The following C3 variants were observed in gnomAD, a reference collection of about 807,000 sequenced individuals.
C3 encodes the protein C3 and PZP-like alpha-2-macroglobulin domain-containing protein 1.
C3 carries 97 observed loss-of-function variants against 207.9 expected under a neutral mutation model. The ratio of observed to expected loss-of-function variants is 0.47; its 90% CI spans 0.40 to 0.55. C3 has a LOEUF of 0.55. C3 is among the 20% of genes least tolerant of loss of function. The probability of loss-of-function intolerance (pLI) is 0.00; values close to 1 mark genes in which losing one functional copy is unlikely to be tolerated. For missense variants in C3, 1,684 were observed against 2,171.7 expected (o/e 0.78, Z 4.46); for synonymous variants, 848 against 857.6 (o/e 0.99, Z 0.20).
intron 33 of C3, chr19:6,682,448 T>C: frequency 1.8e-6 from 1 of 543,386 alleles, no homozygotes; most frequent in South Asian, 2.0e-5. Flanking sequence ...TGCACCCAAC[T>C]GCATGGATTC....
Position 6,709,564 on chromosome 19 carries a change from C to T in C3, c.1845+120G>A, listed in dbSNP as rs973332114. On this transcript the variant is annotated intron_variant, in intron 14 of 40. Transcript: ENST00000245907. ...AACCATCCCTGTGTCTGGTCTGCTC[C>T]GATCTCTGCTTTCAGCGCATGCCCC... is the stretch of plus-strand genomic sequence containing the variant. 188 of 1,141,610 alleles carry T rather than the reference C, an allele frequency of 1.6e-4. 3 individuals carry two copies. In the South Asian group the frequency reaches 1.9e-3, roughly 12 times the overall value. 70.7% of individuals were successfully genotyped at this position (1,141,610 alleles called of 1,614,324 possible). A position where few individuals can be genotyped will look rare whatever the true frequency, so the allele number is the denominator to read the frequency against.
chr19:6,713,198 AGATGACGGTGGC>A lies in C3; in HGVS notation c.982_993del (p.Ala328_Ile331del). ...TCAGACTGGGCCTCACCTGAGTGCA[AGATGACGGTGGC>A]AGACACGTACAAAGACTTCCCCACC... On this transcript the variant is annotated inframe_deletion, in exon 9 of 41. Coordinates refer to ENST00000245907, the MANE Select transcript of C3 (RefSeq NM_000064.4). 6.2e-7 allele frequency: 1 copy of A among 1,613,764 alleles called. No individual in the cohort carries two copies. The highest frequency in any genetic ancestry group is 1.1e-5 in the South Asian group (1 of 91,084).
chr19:6,686,059 AG>A, intron 29 of C3, 64 bp downstream of exon 29: 1 of 1,522,830 alleles, frequency 6.6e-7, no homozygotes, highest in Non-Finnish European at 9.1e-7. Flanking sequence ...TGTCTTCTCT[AG>A]GAGGCCAGTG....
rs1403386475 is a variant in C3, at chr19:6,707,640, T to C, written c.1976-103A>G. 5.9e-6 allele frequency: 9 copies of C among 1,531,530 alleles called. No individual in the cohort carries two copies. In the African/African-American group the frequency reaches 8.2e-5, roughly 14 times the overall value. 94.9% of individuals were successfully genotyped at this position (1,531,530 alleles called of 1,614,324 possible). A position where few individuals can be genotyped will look rare whatever the true frequency, so the allele number is the denominator to read the frequency against. On this transcript the variant is annotated intron_variant, in intron 15 of 40. Transcript: ENST00000245907. ...GAGGTGGGGGTGTTCCTGCTCCCAT[T>C]TGATGGAAGAGCAAACTGAGGCTCA...
intron 5 of C3, 25 bp downstream of exon 5, chr19:6,714,327 C>A (rs1012802922): frequency 3.7e-6 from 6 of 1,608,816 alleles, no homozygotes; most frequent in Non-Finnish European, 5.1e-6. Flanking sequence ...GAGCCCTGAG[C>A]CCCCTCCTCA....
At chr19:6,698,683 T>G (rs1599511255) in intron 19 of C3, among the ~76,000 whole-genome samples, 1 of 152,054 alleles carries the variant, frequency 6.6e-6, no homozygotes, top group South Asian at 2.1e-4. Context: ...TGCTCCAGCC[T>G]GGGCAACAGA....
chr19:6,694,622 G>A lies in C3; in HGVS notation c.2963C>T (p.Ala988Val), dbSNP rs755770418. ...GTCGACGGCATCCTCTGTCATCTGG[G>A]CCACTGGGGTCCCTGCAGCAGGTGG... ...TRILLQGTPV[A>V]QMTEDAVDAE... is the part of the protein sequence containing the mutation. The change falls in exon 24 of 41, where the codon GCC becomes GTC. Residue 988 changes from alanine (A) to valine (V), a missense_variant. Ala to Val is a moderately conservative substitution (Grantham distance 64). Transcript: ENST00000245907. 3 of 1,612,418 alleles carry A rather than the reference G, an allele frequency of 1.9e-6. No individual in the cohort carries two copies. Among genetic ancestry groups the A allele is most frequent in the Non-Finnish European group, 1.7e-6 (2 of 1,179,776 alleles).
intron 5 of C3, 51 bp from the exon 6 acceptor site, chr19:6,714,299 C>T: frequency 6.2e-7 from 1 of 1,610,906 alleles, no homozygotes. Context: ...CCCCCCTGCT[C>T]CCTCTCCGGG....
chr19:6,708,633 TTTTC>T (rs1211241137), intron 14 of C3, among the ~76,000 whole-genome samples: 9 of 142,794 alleles, frequency 6.3e-5, no homozygotes, highest in South Asian at 2.4e-4. Flanking sequence ...TCTCCTTTCT[TTTTC>T]TTTCTCTCTG....
intron 9 of C3, 138 bp from the exon 10 acceptor site, chr19:6,712,761 C>A (rs933232464): frequency 1.0e-5 from 8 of 762,412 alleles, no homozygotes; most frequent in Non-Finnish European, 1.4e-5. Context: ...CTGTGCCCCC[C>A]ATCAGACTGG....
chr19:6,682,643 A>G (rs1292584476), intron 33 of C3: 1 of 246,026 alleles, frequency 4.1e-6, no homozygotes, highest in Non-Finnish European at 8.0e-6. Flanking sequence ...CATATGGTAT[A>G]AACTTTGTTG....
chr19:6,684,340 A>C, intron 33 of C3, 48 bp downstream of exon 33: 1 of 1,408,272 alleles, frequency 7.1e-7, no homozygotes, highest in Non-Finnish European at 1.0e-6. Flanking sequence ...AATTCTTGCT[A>C]GAGATAGAGG....
intron 29 of C3, 117 bp from the exon 30 acceptor site, chr19:6,685,263 T>C (rs1041140407): frequency 1.1e-6 from 1 of 900,706 alleles, no homozygotes; most frequent in Non-Finnish European, 1.8e-6. Context: ...GCCTAGAACC[T>C]ACTAGAGAGT....
chr19:6,700,479 A>C lies in C3; in HGVS notation c.2440+1648T>G, dbSNP rs188428587. On this transcript the variant is annotated intron_variant, in intron 19 of 40. Transcript: ENST00000245907. ...TATATATGTTATATATGTAATATAT[A>C]ATATATGTAATATGATATATTATAT... 7.5e-4 allele frequency among the ~76,000 whole-genome samples: 26 copies of C among 34,780 alleles called. 6 individuals carry two copies. The highest frequency in any genetic ancestry group is 6.5e-3 in the African/African-American group (26 of 4,000). 22.8% of individuals were successfully genotyped at this position (34,780 alleles called of 152,430 possible).
rs138474927 is a variant in C3 at position 6,678,301 on chromosome 19, G to T, written c.4715-14C>A. ...CCTCATCCGAGCCTGGAGTGGAGGGGAGAGGGAAGAAGCTGAGTCGTGGGG... is the reference window on the plus strand; with the variant it reads ...CCTCATCCGAGCCTGGAGTGGAGGGTAGAGGGAAGAAGCTGAGTCGTGGGG... On this transcript the variant is annotated splice_polypyrimidine_tract_variant and intron_variant, in intron 39 of 40. Transcript: ENST00000245907. 6.8e-6 allele frequency: 11 copies of T among 1,614,220 alleles called. No individual in the cohort carries two copies. In the South Asian group the frequency reaches 1.2e-4, roughly 18 times the overall value.
intron 15 of C3, 103 bp from the exon 16 acceptor site, chr19:6,707,640 T>G: frequency 6.5e-7 from 1 of 1,531,650 alleles, no homozygotes; most frequent in Non-Finnish European, 9.0e-7. Flanking sequence ...CTGCTCCCAT[T>G]TGATGGAAGA....
intron 33 of C3, among the ~76,000 whole-genome samples, chr19:6,683,513 T>C (rs1387686925): frequency 7.4e-6 from 1 of 135,004 alleles, no homozygotes; most frequent in Non-Finnish European, 1.5e-5. Flanking sequence ...TGCAGTGGCG[T>C]GATCTCAGCT....
At chr19:6,712,144 C>T (rs1599523754) in intron 11 of C3, 113 bp downstream of exon 11, 1 of 1,373,232 alleles carries the variant, frequency 7.3e-7, no homozygotes, top group East Asian at 2.3e-5. Flanking sequence ...GAGAGAACCT[C>T]TCTATGCAGA....
At chr19:6,710,961 G>A in intron 12 of C3, 26 bp downstream of exon 12, 2 of 1,610,532 alleles carry the variant, frequency 1.2e-6, no homozygotes, top group Non-Finnish European at 1.7e-6. Context: ...GGAGGCGGGG[G>A]CTGAGGTTTC....
Sources: gnomAD v4.1 joint callset for allele counts (sites outside exome capture counted in the v4.1 genomes callset) on GRCh38, gnomAD v4.1.1 for gene constraint, MANE v1.5 for transcripts, NCBI Gene and HGNC (gene_info 2026-07-23, HGNC 2026-07-21) for gene names.